BICC1: variants seen among roughly 807,000 people sequenced by gnomAD.
BICC1 encodes protein bicaudal C homolog 1.
A neutral mutation model predicts 111.0 loss-of-function variants in BICC1; 43 were observed. That is an observed-to-expected ratio of 0.39 (90% CI 0.30 to 0.50). The LOEUF (loss-of-function observed/expected upper bound fraction) is 0.50. Among genes scored for constraint, BICC1 ranks in the 20% least tolerant of loss-of-function variants. The pLI, the probability that BICC1 is intolerant of heterozygous loss-of-function variation, is 0.88. For missense variants in BICC1, 1,091 were observed against 1,203.2 expected (o/e 0.91, Z 1.38); for synonymous variants, 467 against 434.4 (o/e 1.07, Z -0.93).
intron 2 of BICC1, chr10:58,650,579 A>G (rs1397644331): frequency 3.3e-5 from 5 of 152,186 alleles, no homozygotes; most frequent in Non-Finnish European, 7.3e-5. Context: ...CCTATCATCC[A>G]TGGAACATTG....
chr10:58,825,465 T>TC (rs1844367882), intron 20 of BICC1, among the ~76,000 whole-genome samples: 2 of 152,228 alleles, frequency 1.3e-5, no homozygotes, highest in African/African-American at 4.8e-5. Context: ...TAGTGTATTT[T>TC]ATCATTTACT....
At chr10:58,537,782 T>A (rs1186392182) in intron 1 of BICC1, among the ~76,000 whole-genome samples, 1 of 151,846 alleles carries the variant, frequency 6.6e-6, no homozygotes, top group Non-Finnish European at 1.5e-5. Flanking sequence ...CAGTAAAGTC[T>A]CAGGTTACAA....
chr10:58,737,134 T>C (rs1247036145), intron 3 of BICC1, among the ~76,000 whole-genome samples: 1 of 152,156 alleles, frequency 6.6e-6, no homozygotes, highest in African/African-American at 2.4e-5. Context: ...TTAGGGTACA[T>C]GTGTACAACG....
chr10:58,766,479 T>C (rs997889682), intron 3 of BICC1, among the ~76,000 whole-genome samples: 1 of 152,038 alleles, frequency 6.6e-6, no homozygotes, highest in African/African-American at 2.4e-5. Flanking sequence ...AATAGTAAAA[T>C]TTGGATAATC....
intron 2 of BICC1, among the ~76,000 whole-genome samples, chr10:58,687,099 A>G (rs1003377536): frequency 6.6e-6 from 1 of 151,946 alleles, no homozygotes; most frequent in Non-Finnish European, 1.5e-5. Context: ...TACAGTCAGG[A>G]CCCTCAGCTG....
chr10:58,808,244 T>C (rs960309954), intron 17 of BICC1, among the ~76,000 whole-genome samples: 1 of 152,060 alleles, frequency 6.6e-6, no homozygotes. Flanking sequence ...TTATGAAAAA[T>C]GTTGAGGCTC....
At chr10:58,592,362 T>G (rs1356061513) in intron 1 of BICC1, among the ~76,000 whole-genome samples, 1 of 152,198 alleles carries the variant, frequency 6.6e-6, no homozygotes, top group Non-Finnish European at 1.5e-5. Context: ...CTTTAGAGAA[T>G]AGTCTGCTAT....
At chr10:58,667,421 A>C (rs1363402232) in intron 2 of BICC1, among the ~76,000 whole-genome samples, 3 of 152,100 alleles carry the variant, frequency 2.0e-5, no homozygotes, top group South Asian at 2.1e-4. Context: ...GCAAAAGTAG[A>C]AGTCTTTGGA....
chr10:58,585,798 A>G (rs1844411697), intron 1 of BICC1, among the ~76,000 whole-genome samples: 1 of 152,206 alleles, frequency 6.6e-6, no homozygotes, highest in Non-Finnish European at 1.5e-5. Context: ...TAACAACTTC[A>G]TATATTGTAG....
chr10:58,657,652 G>GGT (rs1838701457), intron 2 of BICC1, among the ~76,000 whole-genome samples: 1 of 152,002 alleles, frequency 6.6e-6, no homozygotes, highest in African/African-American at 2.4e-5. Flanking sequence ...TGTACAAAGG[G>GGT]GTATATATAA....
In BICC1 at chr10:58,539,915, C is replaced by T. The variant is rs569915622; in HGVS notation, c.190+26582C>T. ...ACTAGTATTAAGAGAAGATTGAAGT[C>T]ATATCAAGTATCTTTTTAGACCATA... On this transcript the variant is annotated intron_variant, in intron 1 of 20. Transcript: ENST00000373886. Among the ~76,000 whole-genome samples the T allele has an allele frequency of 5.3e-4, 81 of 151,916 alleles. No individual in the cohort carries two copies. The Middle Eastern group carries it at 0.01, about 19-fold the overall frequency.
chr10:58,513,068 GC>G lies in BICC1; in HGVS notation c.-73del, dbSNP rs1466953020. On this transcript the variant is annotated 5_prime_UTR_variant, in exon 1 of 21. Transcript: ENST00000373886. ...CGCCGCGGCGCTGGGAGCCAGTTGA[GC>G]CCGGCCGGCGAGCGGAGGCGGCAGC... 1 of 1,195,416 alleles carries G rather than the reference GC, an allele frequency of 8.4e-7. No individual in the cohort carries two copies. Among genetic ancestry groups the G allele is most frequent in the Non-Finnish European group, 1.1e-6 (1 of 944,084 alleles). The allele number at this position is 1,195,416 out of a possible 1,614,324, so 74.1% of individuals were successfully genotyped here.
intron 18 of BICC1, among the ~76,000 whole-genome samples, chr10:58,816,745 CTGTGTGTG>C (rs56310772): frequency 0.079 from 9,678 of 121,960 alleles, 346 homozygotes; most frequent in East Asian, 0.098. Flanking sequence ...ATCTCCAAGG[CTGTGTGTG>C]TGTGTGTGTG....
Position 58,796,495 on chromosome 10 carries a change from A to C in BICC1, c.1335A>C (p.Leu445Phe), listed in dbSNP as rs777162909. The part of the protein sequence containing the change: ...AGLACPSLDI[L>F]ASAGLGLTGL... ...TGGCATGTCCCAGCCTGGATATCTTAGCTTCAGCAGGCCTTGGACTCACTG... is the reference window on the plus strand; with the variant it reads ...TGGCATGTCCCAGCCTGGATATCTTCGCTTCAGCAGGCCTTGGACTCACTG... The change falls in exon 10 of 21, where the codon TTA (leucine) becomes TTC (phenylalanine). Residue 445 changes from leucine to phenylalanine, a missense_variant. By Grantham distance (22) the Leu-to-Phe change is conservative. Coordinates refer to ENST00000373886, the MANE Select transcript of BICC1 (RefSeq NM_001080512.3). 1.2e-6 allele frequency: 2 copies of C among 1,613,892 alleles called. No homozygotes were observed. The highest frequency in any genetic ancestry group is 2.7e-5 in the African/African-American group (2 of 74,926).
chr10:58,663,366 C>T (rs1838907696), intron 2 of BICC1, among the ~76,000 whole-genome samples: 1 of 152,130 alleles, frequency 6.6e-6, no homozygotes, highest in South Asian at 2.1e-4. Flanking sequence ...CACATCCGGC[C>T]CAATTTTTAG....
intron 1 of BICC1, among the ~76,000 whole-genome samples, chr10:58,590,713 A>G (rs1257783165): frequency 6.6e-6 from 1 of 152,194 alleles, no homozygotes; most frequent in Non-Finnish European, 1.5e-5. Flanking sequence ...AAGTTTCTCT[A>G]GTGAAAGTGG....
rs569361989 is a variant in BICC1, at chr10:58,649,546, T to A, written c.237+28645T>A. Among the ~76,000 whole-genome samples, 25 of 152,030 alleles carry A rather than the reference T, an allele frequency of 1.6e-4. No individual in the cohort carries two copies. In the South Asian group the frequency reaches 2.9e-3, roughly 18 times the overall value. ...AATGGGAACCCTCATGGGTGTCTTT[T>A]AAAAAAAACTCTTCAACTCCCACGA... On this transcript the variant is annotated intron_variant, in intron 2 of 20. Coordinates refer to ENST00000373886, the MANE Select transcript of BICC1 (RefSeq NM_001080512.3).
At chr10:58,533,560 A>C (rs1649078) in intron 1 of BICC1, among the ~76,000 whole-genome samples, 69,318 of 151,256 alleles carry the variant, frequency 0.46, 16,875 homozygotes, top group Admixed American at 0.62. Context: ...GGAAAAAAAA[A>C]CCTGACAATC....
At chr10:58,578,952 A>G (rs918808878) in intron 1 of BICC1, among the ~76,000 whole-genome samples, 4 of 152,320 alleles carry the variant, frequency 2.6e-5, no homozygotes, top group Admixed American at 2.6e-4. Context: ...TAAGATAGTG[A>G]ATGGCCAGGA....
Sources: allele counts gnomAD v4.1 joint callset (sites outside exome capture counted in the v4.1 genomes callset), GRCh38; gene constraint gnomAD v4.1.1; transcripts MANE v1.5; gene names NCBI Gene and HGNC (gene_info 2026-07-23, HGNC 2026-07-21).